NIPSNAP2: variants seen among roughly 807,000 people sequenced by gnomAD.
NIPSNAP2 encodes the protein nipsnap homolog 2.
In NIPSNAP2, 42 loss-of-function variants were observed where a neutral mutation model predicts 48.4. That is an observed-to-expected ratio of 0.87 (90% CI 0.68 to 1.12). The LOEUF (loss-of-function observed/expected upper bound fraction) is 1.12, where lower values mean the gene tolerates loss of function less well. Among genes scored for constraint, NIPSNAP2 ranks in the 50% most tolerant of loss-of-function variants. NIPSNAP2 has a pLI of 0.00. For missense variants in NIPSNAP2, 314 were observed against 347.3 expected (o/e 0.90, Z 0.76); for synonymous variants, 158 against 126.6 (o/e 1.25, Z -1.67).
At chr7:55,968,037 C>T (rs1786934331) in intron 1 of NIPSNAP2, among the ~76,000 whole-genome samples, 1 of 152,036 alleles carries the variant, frequency 6.6e-6, no homozygotes, top group Non-Finnish European at 1.5e-5. Context: ...AGTCCTCCCA[C>T]CCTCCGCCTC....
Position 55,971,035 on chromosome 7 carries a change from A to G in NIPSNAP2, c.92+6334A>G, listed in dbSNP as rs565507470. 7.9e-4 allele frequency among the ~76,000 whole-genome samples: 121 copies of G among 152,298 alleles called. 1 individual carries two copies. Among genetic ancestry groups the G allele is most frequent in the Admixed American group, 1.3e-3 (20 of 15,292 alleles). On this transcript the variant is annotated intron_variant, in intron 1 of 9. Transcript: ENST00000322090. ...TCTTTGTATCCATAGAGCCCGGCAT[A>G]GAATGCTGACTTGATTTCAAGTCTA...
Position 55,983,755 on chromosome 7 carries a change from A to G in NIPSNAP2, c.472A>G (p.Ser158Gly). ...ATTTTTGGAATTTCGTAAGGCAAGA[A>G]GTGACATGCTTCTCTCCAGGAAGAA... The part of the protein sequence containing the change: ...KEFLEFRKAR[S>G]DMLLSRKNQL... Residue 158 changes from serine to glycine, a missense_variant, in exon 6 of 10, where the codon AGT becomes GGT. This residue lies in a region of NIPSNAP2 where 198 missense variants were observed against 185.5 expected (regional missense o/e 1.07). Transcript: ENST00000322090. 4 of 1,614,048 alleles carry G rather than the reference A, an allele frequency of 2.5e-6. No homozygotes were observed. The highest frequency in any genetic ancestry group is 1.7e-5 in the Admixed American group (1 of 60,000).
At chr7:55,971,458 GTAT>G (rs1359112577) in intron 1 of NIPSNAP2, among the ~76,000 whole-genome samples, 2 of 152,042 alleles carry the variant, frequency 1.3e-5, no homozygotes, top group East Asian at 1.9e-4. Context: ...AATCCCTTTG[GTAT>G]TATTATTTGT....
intron 1 of NIPSNAP2, among the ~76,000 whole-genome samples, chr7:55,968,795 G>A (rs931628407): frequency 1.3e-5 from 2 of 152,120 alleles, no homozygotes; most frequent in African/African-American, 4.8e-5. Flanking sequence ...GGAGGCCAAG[G>A]CTCACGGATC....
chr7:55,991,513 A>G (rs1282937286), intron 7 of NIPSNAP2, among the ~76,000 whole-genome samples: 4 of 151,998 alleles, frequency 2.6e-5, no homozygotes, highest in African/African-American at 9.7e-5. Flanking sequence ...TTGGAAGGCC[A>G]AGATGGGCAG....
intron 1 of NIPSNAP2, among the ~76,000 whole-genome samples, chr7:55,967,632 ATTATTTAT>A (rs61430146): frequency 1.9e-3 from 268 of 142,812 alleles, no homozygotes; most frequent in African/African-American, 4.1e-3. Context: ...ATGCCCAGCT[ATTATTTAT>A]TTATTTATTT....
chr7:55,967,685 G>T (rs758725099), intron 1 of NIPSNAP2, among the ~76,000 whole-genome samples: 10 of 151,746 alleles, frequency 6.6e-5, no homozygotes, highest in Non-Finnish European at 5.9e-5. Context: ...GTGTCACTCT[G>T]TTGCCCAGGC....
At chr7:55,980,103 T>C (rs1352087984) in intron 3 of NIPSNAP2, 1 of 215,106 alleles carries the variant, frequency 4.6e-6, no homozygotes, top group Non-Finnish European at 9.8e-6. Flanking sequence ...AAAGGAAATG[T>C]TGGACATACA....
intron 3 of NIPSNAP2, chr7:55,980,826 A>C (rs1174199676): frequency 6.6e-6 from 1 of 152,290 alleles, no homozygotes; most frequent in Non-Finnish European, 1.5e-5. Flanking sequence ...CATTGAATTG[A>C]GTAGAACATA....
intron 3 of NIPSNAP2, chr7:55,979,685 A>G (rs544787634): frequency 4.5e-6 from 2 of 441,094 alleles, no homozygotes; most frequent in South Asian, 3.2e-5. Flanking sequence ...CATTACCCCA[A>G]AGTTTGTCAG....
intron 8 of NIPSNAP2, among the ~76,000 whole-genome samples, chr7:55,995,314 T>G (rs1285586778): frequency 2.6e-5 from 4 of 152,160 alleles, no homozygotes; most frequent in African/African-American, 9.7e-5. Flanking sequence ...ACTGACTGCT[T>G]ACTTCCTCGA....
At chr7:55,981,433 G>A (rs1374100354) in intron 3 of NIPSNAP2, 40 bp from the exon 4 acceptor site, 1 of 1,497,224 alleles carries the variant, frequency 6.7e-7, no homozygotes, top group South Asian at 1.1e-5. Context: ...GTCAAATTTT[G>A]CTGGTTGTTT....
chr7:55,996,849 G>C (rs533214549), intron 8 of NIPSNAP2, among the ~76,000 whole-genome samples: 1 of 152,044 alleles, frequency 6.6e-6, no homozygotes, highest in East Asian at 1.9e-4. Flanking sequence ...GCAACATAGT[G>C]AGACCCCATC....
At chr7:55,986,666 CA>C (rs1787334527) in intron 7 of NIPSNAP2, among the ~76,000 whole-genome samples, 1 of 149,880 alleles carries the variant, frequency 6.7e-6, no homozygotes, top group South Asian at 2.1e-4. Flanking sequence ...CAAAACAAAA[CA>C]AAAAATTGCC....
At position 55,981,767 on chromosome 7, in the gene NIPSNAP2, C is replaced by G. The variant is rs1787220672; in HGVS notation, c.373+200C>G. On this transcript the variant is annotated intron_variant, in intron 4 of 9. Transcript: ENST00000322090. ...TTTAATGTTTGAATCTATTATTGAA[C>G]CATTATGATGTAACTCATAGGCCAA... The G allele has an allele frequency of 5.8e-6, 3 of 513,744 alleles. No homozygotes were observed. In the East Asian group the frequency reaches 1.0e-4, roughly 17 times the overall value. 31.8% of individuals were successfully genotyped at this position (513,744 alleles called of 1,614,324 possible). A position where few individuals can be genotyped will look rare whatever the true frequency, so the allele number is the denominator to read the frequency against.
chr7:55,973,121 A>G (rs747517738), intron 1 of NIPSNAP2, among the ~76,000 whole-genome samples: 2 of 152,074 alleles, frequency 1.3e-5, no homozygotes, highest in Non-Finnish European at 2.9e-5. Flanking sequence ...AAAAAAAAAT[A>G]CAGAAGAGAA....
At chr7:55,967,535 C>T (rs765451145) in intron 1 of NIPSNAP2, among the ~76,000 whole-genome samples, 1 of 151,816 alleles carries the variant, frequency 6.6e-6, no homozygotes, top group Non-Finnish European at 1.5e-5. Flanking sequence ...GGCATGACCA[C>T]GGCTCACTGC....
At chr7:55,987,356 G>A (rs151018928) in intron 7 of NIPSNAP2, among the ~76,000 whole-genome samples, 65 of 152,170 alleles carry the variant, frequency 4.3e-4, no homozygotes, top group African/African-American at 1.3e-3. Flanking sequence ...GGCTGGGTGC[G>A]GTGGCTCACA....
intron 7 of NIPSNAP2, among the ~76,000 whole-genome samples, chr7:55,986,983 TAAAAAA>T (rs71561981): frequency 1.6e-4 from 9 of 54,796 alleles, no homozygotes; most frequent in Admixed American, 7.2e-4. Flanking sequence ...CCTGTCTCTA[TAAAAAA>T]AAAAAAAAAA....
Sources: allele counts gnomAD v4.1 joint callset (sites outside exome capture counted in the v4.1 genomes callset), GRCh38; gene constraint gnomAD v4.1.1; regional missense constraint gnomAD v4.1.1; transcripts MANE v1.5; gene names NCBI Gene and HGNC (gene_info 2026-07-23, HGNC 2026-07-21).